Variants in CNTN4 observed in about 807,000 individuals in gnomAD.
CNTN4 encodes contactin-4.
CNTN4 carries 77 observed loss-of-function variants against 122.5 expected under a neutral mutation model. The ratio of observed to expected loss-of-function variants is 0.63; its 90% CI spans 0.52 to 0.76. The LOEUF (loss-of-function observed/expected upper bound fraction) is 0.76, where lower values mean the gene tolerates loss of function less well. Among genes scored for constraint, CNTN4 ranks in the 30% least tolerant of loss-of-function variants. CNTN4 has a pLI of 0.00. For missense variants in CNTN4, 1,256 were observed against 1,259.1 expected, an observed-to-expected ratio of 1.00 and a Z score of 0.04; for synonymous variants, 512 against 447.0, an observed-to-expected ratio of 1.15 and a Z score of -1.83.
At chr3:2,292,886 T>C (rs1206811959) in intron 2 of CNTN4, among the ~76,000 whole-genome samples, 1 of 152,238 alleles carries the variant, frequency 6.6e-6, no homozygotes, top group Non-Finnish European at 1.5e-5. Flanking sequence ...GCAAGTCTTG[T>C]TGTGGACATA....
Position 2,223,966 on chromosome 3 carries a change from G to A in CNTN4, c.-144-115212G>A, listed in dbSNP as rs147093235. On this transcript the variant is annotated intron_variant, in intron 2 of 24. Transcript: ENST00000418658. ...GAATTTGGGGCTTCTTGGGGGGCAGGTAGGTGTGGAGAGATAAGAGACAGG... is the reference window on the plus strand; with the variant it reads ...GAATTTGGGGCTTCTTGGGGGGCAGATAGGTGTGGAGAGATAAGAGACAGG... 2.0e-5 allele frequency among the ~76,000 whole-genome samples: 3 copies of A among 152,270 alleles called. No homozygotes were observed. In the East Asian group the frequency reaches 5.8e-4, roughly 29 times the overall value.
intron 4 of CNTN4, among the ~76,000 whole-genome samples, chr3:2,722,873 C>G (rs1371345751): frequency 6.6e-6 from 1 of 152,106 alleles, no homozygotes; most frequent in Non-Finnish European, 1.5e-5. Flanking sequence ...ACAGAATATC[C>G]CTTCTGTACA....
chr3:2,384,498 A>G (rs2046162091), intron 3 of CNTN4, among the ~76,000 whole-genome samples: 1 of 152,222 alleles, frequency 6.6e-6, no homozygotes, highest in Non-Finnish European at 1.5e-5. Context: ...GAAGAGACAT[A>G]TTTATTATGC....
chr3:2,138,826 A>G (rs1367390113), intron 2 of CNTN4, among the ~76,000 whole-genome samples: 1 of 152,086 alleles, frequency 6.6e-6, no homozygotes, highest in Non-Finnish European at 1.5e-5. Context: ...TAATCATATG[A>G]GCCAATTCTT....
intron 4 of CNTN4, among the ~76,000 whole-genome samples, chr3:2,632,006 G>T (rs887982629): frequency 1.3e-5 from 2 of 151,748 alleles, no homozygotes; most frequent in Non-Finnish European, 2.9e-5. Context: ...AGCCATGATT[G>T]CACTACTGCA....
At chr3:2,106,399 T>C (rs1403180631) in intron 2 of CNTN4, among the ~76,000 whole-genome samples, 3 of 152,162 alleles carry the variant, frequency 2.0e-5, no homozygotes, top group African/African-American at 7.2e-5. Flanking sequence ...CATCCAGGCA[T>C]TTCCGTACAT....
chr3:2,690,576 C>T (rs2149184980), intron 4 of CNTN4, among the ~76,000 whole-genome samples: 1 of 152,172 alleles, frequency 6.6e-6, no homozygotes, highest in Middle Eastern at 3.4e-3. Context: ...TAACAATATC[C>T]TCTTTATTTA....
At chr3:2,270,414 G>A (rs1046165781) in intron 2 of CNTN4, among the ~76,000 whole-genome samples, 1 of 151,720 alleles carries the variant, frequency 6.6e-6, no homozygotes, top group African/African-American at 2.4e-5. Context: ...ATTGGGGAAG[G>A]GGGGGAATGA....
intron 17 of CNTN4, among the ~76,000 whole-genome samples, chr3:3,035,366 T>G (rs1699515508): frequency 6.6e-6 from 1 of 150,782 alleles, no homozygotes; most frequent in Admixed American, 6.6e-5. Flanking sequence ...GTAACACACA[T>G]TAAAAATATA....
At chr3:2,343,474 C>G (rs138152790) in intron 3 of CNTN4, among the ~76,000 whole-genome samples, 1 of 152,164 alleles carries the variant, frequency 6.6e-6, no homozygotes, top group African/African-American at 2.4e-5. Context: ...TGGTCACTCT[C>G]TGCAACCAGT....
intron 4 of CNTN4, among the ~76,000 whole-genome samples, chr3:2,641,191 C>T (rs2082881358): frequency 6.6e-6 from 1 of 151,986 alleles, no homozygotes; most frequent in Non-Finnish European, 1.5e-5. Flanking sequence ...GAATTAAATG[C>T]TGTCATATGC....
At chr3:2,217,046 G>T (rs1180636034) in intron 2 of CNTN4, among the ~76,000 whole-genome samples, 1 of 152,118 alleles carries the variant, frequency 6.6e-6, no homozygotes, top group African/African-American at 2.4e-5. Flanking sequence ...TATCTCAGCT[G>T]TTGCTTTAGG....
rs116148961 is a variant in CNTN4, at chr3:2,615,191, G to T, written c.55+43633G>T. ...CAAACAAGGACACAATTGTTAAATA[G>T]TCTGTATCATATTAATTAGGCTCTG... On this transcript the variant is annotated intron_variant, in intron 4 of 24. Transcript: ENST00000418658. Among the ~76,000 whole-genome samples, 1,424 of 152,266 alleles carry T rather than the reference G, an allele frequency of 9.4e-3. 18 individuals carry two copies. Among genetic ancestry groups the T allele is most frequent in the African/African-American group, 0.032 (1,346 of 41,552 alleles).
intron 3 of CNTN4, among the ~76,000 whole-genome samples, chr3:2,560,523 G>A (rs1180896066): frequency 1.3e-5 from 2 of 152,076 alleles, no homozygotes; most frequent in Non-Finnish European, 2.9e-5. Context: ...TTGCATTATG[G>A]TGGTAACCAT....
At chr3:2,393,838 G>A (rs1218649597) in intron 3 of CNTN4, among the ~76,000 whole-genome samples, 1 of 151,740 alleles carries the variant, frequency 6.6e-6, no homozygotes, top group African/African-American at 2.4e-5. Flanking sequence ...CCTTTAGACA[G>A]GGTAGTAGGA....
intron 2 of CNTN4, among the ~76,000 whole-genome samples, chr3:2,277,824 A>G (rs2041573587): frequency 6.6e-6 from 1 of 152,156 alleles, no homozygotes; most frequent in African/African-American, 2.4e-5. Context: ...AGACTCAGCA[A>G]GTTCAGCACA....
chr3:2,315,674 A>G (rs868010935), intron 2 of CNTN4, among the ~76,000 whole-genome samples: 2 of 152,018 alleles, frequency 1.3e-5, no homozygotes, highest in African/African-American at 2.4e-5. Flanking sequence ...TTAATGTGCT[A>G]GATAAATTTA....
At chr3:2,956,286 G>C (rs1056091215) in intron 13 of CNTN4, among the ~76,000 whole-genome samples, 3 of 152,106 alleles carry the variant, frequency 2.0e-5, no homozygotes, top group African/African-American at 4.8e-5. Flanking sequence ...TGATGGGAAG[G>C]GGGTAATGGG....
intron 6 of CNTN4, among the ~76,000 whole-genome samples, chr3:2,790,306 G>A (rs566389009): frequency 2.0e-5 from 3 of 152,334 alleles, no homozygotes; most frequent in African/African-American, 7.2e-5. Context: ...GAACTGGAGA[G>A]AGAAAGGCAT....
Sources: gnomAD v4.1 joint callset for allele counts (sites outside exome capture counted in the v4.1 genomes callset) on GRCh38, gnomAD v4.1.1 for gene constraint, MANE v1.5 for transcripts, NCBI Gene and HGNC (gene_info 2026-07-23, HGNC 2026-07-21) for gene names.